LBR: variants seen among roughly 807,000 people sequenced by gnomAD.
The protein encoded by LBR is lamin B receptor.
In LBR, 28 loss-of-function variants were observed where a neutral mutation model predicts 74.3. The ratio of observed to expected loss-of-function variants is 0.38; its 90% confidence interval spans 0.28 to 0.52. The LOEUF (loss-of-function observed/expected upper bound fraction) is 0.52, where lower values mean the gene tolerates loss of function less well. LBR is among the 20% of genes least tolerant of loss of function. The pLI is 0.89. For missense variants in LBR, 717 were observed against 760.3 expected, an observed-to-expected ratio of 0.94 and a Z score of 0.67; for synonymous variants, 228 against 269.3, an observed-to-expected ratio of 0.85 and a Z score of 1.50.
chr1:225,422,318 A>G (rs1173906506), intron 2 of LBR, 41 bp from the exon 3 acceptor site: 7 of 1,518,554 alleles, frequency 4.6e-6, no homozygotes, highest in East Asian at 2.3e-5. Flanking sequence ...ACCACAAATC[A>G]TAACACATAC....
chr1:225,412,320 T>A, intron 8 of LBR, 134 bp downstream of exon 8: 1 of 786,604 alleles, frequency 1.3e-6, no homozygotes, highest in Non-Finnish European at 2.1e-6. Flanking sequence ...TTTTTCTTCA[T>A]CTTTTCATTT....
rs1057516045 is a variant in LBR, at chr1:225,403,404, G to A, written c.1747C>T (p.Arg583Ter). Residue 583 changes from arginine to a stop codon, truncating the protein, a stop_gained, in exon 14 of 14, where the codon CGA becomes TGA. Coordinates refer to ENST00000272163, the MANE Select transcript of LBR (RefSeq NM_002296.4). LOFTEE classifies it high-confidence loss of function. ...IIYFTMLLVH[R>*]EARDEYHCKK... is the part of the protein sequence containing the mutation. ...CAGTGGTACTCGTCACGAGCTTCTC[G>A]GTGGACAAGCAACATGGTGAAATAA... 15 of 1,613,368 alleles carry A rather than the reference G, an allele frequency of 9.3e-6. No individual in the cohort carries two copies. Among genetic ancestry groups the A allele is most frequent in the Non-Finnish European group, 1.1e-5 (13 of 1,179,526 alleles).
At chr1:225,406,614 T>C (rs1385418932) in intron 11 of LBR, 50 bp downstream of exon 11, 1 of 1,512,378 alleles carries the variant, frequency 6.6e-7, no homozygotes, top group East Asian at 2.3e-5. Context: ...CATAAAAGCC[T>C]CAGTACATAA....
intron 1 of LBR, chr1:225,427,513 C>T (rs2096142138): frequency 6.6e-6 from 1 of 151,966 alleles, no homozygotes; most frequent in Non-Finnish European, 1.5e-5. Context: ...CGCGCCCTGT[C>T]AGCCTCCTAC....
At chr1:225,421,214 C>T (rs1033551902) in intron 3 of LBR, among the ~76,000 whole-genome samples, 2 of 152,208 alleles carry the variant, frequency 1.3e-5, no homozygotes, top group African/African-American at 4.8e-5. Flanking sequence ...AAGTCTGTTG[C>T]CGGGCGCAGT....
At chr1:225,415,192 G>A (rs1021007127) in intron 7 of LBR, 86 bp downstream of exon 7, 32 of 857,656 alleles carry the variant, frequency 3.7e-5, no homozygotes, top group Admixed American at 6.5e-5. Flanking sequence ...TTACTACTCT[G>A]GTCTAATCAG....
At chr1:225,412,765 A>C (rs1250855151) in intron 7 of LBR, 120 bp from the exon 8 acceptor site, 6 of 872,480 alleles carry the variant, frequency 6.9e-6, no homozygotes, top group Non-Finnish European at 1.1e-5. Flanking sequence ...CATTATTCAG[A>C]CTAAATACAC....
At position 225,403,171 on chromosome 1, in the gene LBR, T is replaced by C; in HGVS notation, c.*132A>G. 1.3e-6 allele frequency: 1 copy of C among 791,262 alleles called. No individual in the cohort carries two copies. Among genetic ancestry groups the C allele is most frequent in the East Asian group, 2.5e-5 (1 of 39,324 alleles). The allele number at this position is 791,262 out of a possible 1,614,324, so 49.0% of individuals were successfully genotyped here. The stretch of plus-strand genomic sequence containing the variant: ...AAAGATCAACTACTCGGCTCCATAG[T>C]CCTGACTCAAAAAGAAAAAAAAAAG... On this transcript the variant is annotated 3_prime_UTR_variant, in exon 14 of 14. Coordinates refer to ENST00000272163, the MANE Select transcript of LBR (RefSeq NM_002296.4).
chr1:225,408,333 G>T (rs2096096779), intron 10 of LBR, among the ~76,000 whole-genome samples: 2 of 152,144 alleles, frequency 1.3e-5, no homozygotes, highest in Admixed American at 6.5e-5. Flanking sequence ...CTCTCTCAAG[G>T]CCTGTGATCT....
intron 11 of LBR, among the ~76,000 whole-genome samples, chr1:225,405,391 T>C (rs1440652078): frequency 1.3e-5 from 2 of 152,238 alleles, no homozygotes; most frequent in African/African-American, 4.8e-5. Context: ...GTTGGAAACG[T>C]AATCCTCAAT....
Position 225,403,195 on chromosome 1 carries a change from A to AT in LBR, c.*107_*108insA. On this transcript the variant is annotated 3_prime_UTR_variant, in exon 14 of 14. Transcript: ENST00000272163. ...GTCCTGACTCAAAAAGAAAAAAAAA[A>AT]GTACAGACCCTGTCAGTGCAACAAA... The AT allele has an allele frequency of 9.6e-7, 1 of 1,045,914 alleles. No homozygotes were observed. Among genetic ancestry groups the AT allele is most frequent in the Non-Finnish European group, 1.5e-6 (1 of 679,182 alleles). The allele number at this position is 1,045,914 out of a possible 1,614,324, so 64.8% of individuals were successfully genotyped here.
chr1:225,412,353 C>T, intron 8 of LBR, 101 bp downstream of exon 8: 2 of 1,047,972 alleles, frequency 1.9e-6, no homozygotes, highest in South Asian at 1.4e-5. Context: ...CTTCATTTCC[C>T]AAAAATGAAG....
At position 225,418,152 on chromosome 1, in the gene LBR, A is replaced by G. The variant is rs774293691; in HGVS notation, c.669T>C (p.Pro223=). Residue 223 remains proline, a synonymous_variant, in exon 6 of 14, where the codon CCT becomes CCC. Coordinates refer to ENST00000272163, the MANE Select transcript of LBR (RefSeq NM_002296.4). ...PGVFLIMFGL[P]VFLFLLLLMC... ...TCAACAGCAACAGGAAGAGGAACAC[A>G]GGCAGGCCAAACATGATGAGAAACA... The G allele has an allele frequency of 1.9e-6, 3 of 1,614,106 alleles. No individual in the cohort carries two copies. The highest frequency in any genetic ancestry group is 2.5e-6 in the Non-Finnish European group (3 of 1,179,934).
Position 225,406,748 on chromosome 1 carries a change from T to C in LBR, c.1399A>G (p.Ile467Val). 1.2e-6 allele frequency: 2 copies of C among 1,614,078 alleles called. No homozygotes were observed. The highest frequency in any genetic ancestry group is 1.7e-6 in the Non-Finnish European group (2 of 1,179,992). ...AAATAAAAGGCTTGGAAGCTGTAAA[T>C]AAAGGGAACCCACACCAAGTCTCCA... ...AFGDLVWVPF[I>V]YSFQAFYLVS... is the part of the protein sequence containing the mutation. The change falls in exon 11 of 14, where the codon ATT becomes GTT. Residue 467 changes from isoleucine to valine, a missense_variant. Coordinates refer to ENST00000272163, the MANE Select transcript of LBR (RefSeq NM_002296.4).
At chr1:225,423,149 G>A (rs1412237765) in intron 2 of LBR, among the ~76,000 whole-genome samples, 1 of 152,178 alleles carries the variant, frequency 6.6e-6, no homozygotes, top group Non-Finnish European at 1.5e-5. Context: ...ATAGCATTTT[G>A]ACAAAGTAAT....
chr1:225,404,961 C>T (rs975836684), intron 11 of LBR, among the ~76,000 whole-genome samples: 2 of 152,074 alleles, frequency 1.3e-5, no homozygotes, highest in South Asian at 2.1e-4. Context: ...GTAACCCGTC[C>T]GAAATCTATC....
chr1:225,406,231 G>A (rs568373689), intron 11 of LBR, among the ~76,000 whole-genome samples: 1 of 152,074 alleles, frequency 6.6e-6, no homozygotes, highest in African/African-American at 2.4e-5. Context: ...TTTAACACCC[G>A]TCATCTAAGC....
intron 9 of LBR, among the ~76,000 whole-genome samples, chr1:225,410,814 G>A (rs74849224): frequency 1.6e-3 from 238 of 152,332 alleles, no homozygotes; most frequent in African/African-American, 5.4e-3. Flanking sequence ...GTCCTGTCGA[G>A]GTTCCTGGAA....
intron 3 of LBR, among the ~76,000 whole-genome samples, chr1:225,421,770 T>C (rs927680290): frequency 3.9e-5 from 6 of 152,248 alleles, no homozygotes; most frequent in Non-Finnish European, 7.3e-5. Context: ...TCATACATGA[T>C]ATGAACTTTT....
Sources: allele counts gnomAD v4.1 joint callset (sites outside exome capture counted in the v4.1 genomes callset), GRCh38; gene constraint gnomAD v4.1.1; transcripts MANE v1.5; gene names NCBI Gene and HGNC (gene_info 2026-07-23, HGNC 2026-07-21).